PIK3R1: variants seen among roughly 807,000 people sequenced by gnomAD.
PIK3R1 encodes the protein phosphatidylinositol 3-kinase regulatory subunit alpha.
Under a neutral mutation model 98.0 loss-of-function variants are expected in PIK3R1, and 29 were observed. The observed-to-expected ratio is 0.30, with a 90% CI of 0.22 to 0.40. The LOEUF is 0.40. Among genes scored for constraint, PIK3R1 ranks in the 10% least tolerant of loss-of-function variants. The probability of loss-of-function intolerance (pLI) is 1.00; values close to 1 mark genes in which losing one functional copy is unlikely to be tolerated. For missense variants in PIK3R1, 596 were observed against 872.7 expected (o/e 0.68, Z 3.99); for synonymous variants, 282 against 311.8 (o/e 0.90, Z 1.01).
At chr5:68,232,179 T>A (rs1405701974) in intron 2 of PIK3R1, among the ~76,000 whole-genome samples, 1 of 152,234 alleles carries the variant, frequency 6.6e-6, no homozygotes, top group Non-Finnish European at 1.5e-5. Context: ...ACAGAATATG[T>A]CATTTGCATA....
chr5:68,264,538 G>T (rs1005650784), intron 2 of PIK3R1, among the ~76,000 whole-genome samples: 1 of 152,164 alleles, frequency 6.6e-6, no homozygotes, highest in Admixed American at 6.5e-5. Context: ...TTCTTAGAGC[G>T]TTGTACAGAT....
chr5:68,221,986 C>T (rs1744107453), intron 1 of PIK3R1, among the ~76,000 whole-genome samples: 1 of 152,188 alleles, frequency 6.6e-6, no homozygotes, highest in African/African-American at 2.4e-5. Flanking sequence ...CCTTTATACC[C>T]TTTGTTACAA....
chr5:68,299,363 G>C lies in PIK3R1; in HGVS notation c.*1762G>C, dbSNP rs1352965012. On this transcript the variant is annotated 3_prime_UTR_variant, in exon 16 of 16. Transcript: ENST00000521381. ...TCTGGACTGTGTGGAGCTCGCTAAA[G>C]TCATGGTCATTGCAGGAATCCAAGT... is the stretch of plus-strand genomic sequence containing the variant. 4.3e-6 allele frequency: 1 copy of C among 232,346 alleles called. No homozygotes were observed. The highest frequency in any genetic ancestry group is 8.5e-6 in the Non-Finnish European group (1 of 117,532). 14.4% of individuals were successfully genotyped at this position (232,346 alleles called of 1,614,324 possible). A position where few individuals can be genotyped will look rare whatever the true frequency, so the allele number is the denominator to read the frequency against.
intron 2 of PIK3R1, among the ~76,000 whole-genome samples, chr5:68,268,702 G>A (rs1366198039): frequency 6.6e-6 from 1 of 152,182 alleles, no homozygotes; most frequent in Non-Finnish European, 1.5e-5. Context: ...GCAGCCTCTG[G>A]AGTCCCAGTG....
chr5:68,228,716 T>TCTC (rs1744370524), intron 2 of PIK3R1, among the ~76,000 whole-genome samples: 1 of 151,388 alleles, frequency 6.6e-6, no homozygotes, highest in Non-Finnish European at 1.5e-5. Context: ...ATCATAAAAA[T>TCTC]AGTTGAATTA....
At chr5:68,287,632 A>C (rs1413784968) in intron 7 of PIK3R1, among the ~76,000 whole-genome samples, 1 of 152,210 alleles carries the variant, frequency 6.6e-6, no homozygotes, top group East Asian at 1.9e-4. Context: ...GTCCATTGCC[A>C]CTTTCTCAAA....
chr5:68,288,608 C>T (rs1375318203), intron 7 of PIK3R1: 1 of 1,561,442 alleles, frequency 6.4e-7, no homozygotes. Context: ...GCGCCGGACA[C>T]GAGCACTGCC....
chr5:68,277,964 C>T (rs1465410356), intron 4 of PIK3R1, among the ~76,000 whole-genome samples: 1 of 152,136 alleles, frequency 6.6e-6, no homozygotes, highest in African/African-American at 2.4e-5. Flanking sequence ...ACACAAGTCC[C>T]CAGATTACTT....
intron 3 of PIK3R1, 85 bp downstream of exon 3, chr5:68,273,567 A>G: frequency 8.6e-7 from 1 of 1,162,372 alleles, no homozygotes; most frequent in African/African-American, 1.5e-5. Context: ...GCATTCATTA[A>G]GTAAATTTCC....
chr5:68,289,914 A>C (rs916265753), intron 7 of PIK3R1, among the ~76,000 whole-genome samples: 4 of 152,298 alleles, frequency 2.6e-5, no homozygotes, highest in South Asian at 2.1e-4. Context: ...TTTTGGAAGA[A>C]GCATTTTCTT....
At position 68,285,879 on chromosome 5, in the gene PIK3R1, C is replaced by T. The variant is rs1226637000; in HGVS notation, c.916+4873C>T. 3.3e-5 allele frequency among the ~76,000 whole-genome samples: 5 copies of T among 152,254 alleles called. No homozygotes were observed. In the East Asian group the frequency reaches 9.6e-4, roughly 29 times the overall value. On this transcript the variant is annotated intron_variant, in intron 7 of 15. Coordinates refer to ENST00000521381, the MANE Select transcript of PIK3R1 (RefSeq NM_181523.3). ...AAATAATTTGAATTACCCTAAAAGG[C>T]CCTCTGTTCTAAGTTGTCTTAAGTT... is the stretch of plus-strand genomic sequence containing the variant.
chr5:68,288,845 CT>C, intron 7 of PIK3R1: 1 of 1,244,028 alleles, frequency 8.0e-7, no homozygotes, highest in East Asian at 2.3e-5. Context: ...GCGTGCGCCC[CT>C]GTAAGCGCTG....
At chr5:68,270,235 C>CT (rs34695203) in intron 2 of PIK3R1, among the ~76,000 whole-genome samples, 9 of 152,054 alleles carry the variant, frequency 5.9e-5, no homozygotes, top group Admixed American at 2.0e-4. Context: ...TAAACTAACA[C>CT]TTTTTGCCGA....
intron 2 of PIK3R1, among the ~76,000 whole-genome samples, chr5:68,245,879 A>G (rs781383612): frequency 2.6e-5 from 4 of 152,230 alleles, no homozygotes; most frequent in Admixed American, 6.5e-5. Flanking sequence ...CTGTCCAAAG[A>G]AGAAATGAAG....
intron 2 of PIK3R1, among the ~76,000 whole-genome samples, chr5:68,261,131 G>T (rs1745729548): frequency 6.6e-6 from 1 of 152,100 alleles, no homozygotes; most frequent in South Asian, 2.1e-4. Context: ...ATTTCTTCCA[G>T]ATTTTCAACA....
intron 2 of PIK3R1, among the ~76,000 whole-genome samples, chr5:68,272,122 T>C (rs1580232606): frequency 1.3e-5 from 2 of 151,662 alleles, no homozygotes; most frequent in East Asian, 3.9e-4. Flanking sequence ...GGAGTGATGC[T>C]GTGCACTGTA....
At chr5:68,217,551 C>G (rs970534154) in intron 1 of PIK3R1, 2 of 151,950 alleles carry the variant, frequency 1.3e-5, no homozygotes, top group African/African-American at 4.8e-5. Context: ...TAAGAGTTTT[C>G]TTAGGTGCAA....
At position 68,273,392 on chromosome 5, in the gene PIK3R1, T is replaced by A. The variant is rs1430309844; in HGVS notation, c.337T>A (p.Leu113Met). Residue 113 changes from leucine to methionine, a missense_variant and splice_region_variant, in exon 3 of 16, where the codon TTG (leucine) becomes ATG (methionine). Around this residue, in one of 3 missense-constraint regions of PIK3R1, gnomAD observed 352 missense variants for 393.3 expected, o/e 0.90. Transcript: ENST00000521381. ...KTEADVEQQALTLPDLAEQFA... is the reference protein window; with the variant it reads ...KTEADVEQQAMTLPDLAEQFA... ...TGGTGGGATTTTGTTGTTTGCAGCTTTGACTCTCCCGGATCTTGCAGAGCA... is the reference window on the plus strand; with the variant it reads ...TGGTGGGATTTTGTTGTTTGCAGCTATGACTCTCCCGGATCTTGCAGAGCA... 2 of 1,614,016 alleles carry A rather than the reference T, an allele frequency of 1.2e-6. No individual in the cohort carries two copies. The highest frequency in any genetic ancestry group is 8.5e-7 in the Non-Finnish European group (1 of 1,179,898).
intron 11 of PIK3R1, 48 bp from the exon 12 acceptor site, chr5:68,294,488 A>ATTGTTCTATGAAAGGTATGACATTATCT: frequency 6.9e-7 from 1 of 1,453,180 alleles, no homozygotes; most frequent in South Asian, 1.3e-5. Flanking sequence ...GCAGTAAGAG[A>ATTGTTCTATGAAAGGTATGACATTATCT]TTGTTCTATG....
Sources: allele counts gnomAD v4.1 joint callset (sites outside exome capture counted in the v4.1 genomes callset), GRCh38; gene constraint gnomAD v4.1.1; regional missense constraint gnomAD v4.1.1; transcripts MANE v1.5; gene names NCBI Gene and HGNC (gene_info 2026-07-23, HGNC 2026-07-21).